PTRH1: variants seen among roughly 807,000 people sequenced by gnomAD.
PTRH1 encodes the protein peptidyl-tRNA hydrolase 1 homolog.
PTRH1 carries 13 observed loss-of-function variants against 15.7 expected under a neutral mutation model. The observed-to-expected ratio is 0.83, with a 90% CI of 0.54 to 1.31. PTRH1 has a LOEUF of 1.31. Among genes scored for constraint, PTRH1 ranks in the 40% most tolerant of loss-of-function variants. The pLI is 0.00. For synonymous variants in PTRH1, 139 were observed against 136.7 expected, an observed-to-expected ratio of 1.02 and a Z score of -0.12; for missense variants, 319 against 296.2, an observed-to-expected ratio of 1.08 and a Z score of -0.56.
At chr9:127,709,435 T>A (rs1842713520), downstream of PTRH1, 4 of 1,613,186 alleles carry the variant, frequency 2.5e-6, no homozygotes, top group African/African-American at 5.3e-5. This position sits in a 1 kb window ranked among gnomAD's most constrained non-coding sequence, Gnocchi z 4.7. Context: ...CCAGCGGAAG[T>A]GGGATGAGCT....
intron 1 of PTRH1, among the ~76,000 whole-genome samples, chr9:127,700,189 T>C (rs1192084732): frequency 6.6e-6 from 1 of 152,230 alleles, no homozygotes; most frequent in African/African-American, 2.4e-5. Context: ...TGTGTCAGGC[T>C]GTCTCTCTGA....
intron 1 of PTRH1, among the ~76,000 whole-genome samples, chr9:127,698,551 G>A (rs1353778886): frequency 2.6e-5 from 4 of 151,966 alleles, no homozygotes; most frequent in South Asian, 2.1e-4. Flanking sequence ...TTAGCCAGTC[G>A]TGGTGGCACA....
Position 127,714,244 on chromosome 9 carries a change from C to T in PTRH1, c.501G>A (p.Ala167=), listed in dbSNP as rs1006461792. The change falls in exon 5 of 5, where the codon GCG becomes GCA. Residue 167 remains alanine, a synonymous_variant. Transcript: ENST00000543175. ...PRLRVGIGRP[A]HPEAVQAHVL... is the part of the protein sequence containing the mutation. ...CATGGGCCTGAACCGCCTCAGGGTG[C>T]GCCGGGCGCCCGATACCCACCCGCA... is the stretch of plus-strand genomic sequence containing the variant. 10 of 1,613,808 alleles carry T rather than the reference C, an allele frequency of 6.2e-6. No homozygotes were observed. Among genetic ancestry groups the T allele is most frequent in the Non-Finnish European group, 7.6e-6 (9 of 1,180,008 alleles).
At chr9:127,710,210 G>A (rs1306735753), downstream of PTRH1, among the ~76,000 whole-genome samples, 1 of 151,448 alleles carries the variant, frequency 6.6e-6, no homozygotes, top group East Asian at 1.9e-4. Context: ...GGGAGGCTGG[G>A]AGGTTGAGAC....
At chr9:127,712,745 A>C, downstream of PTRH1, 1 of 1,614,180 alleles carries the variant, frequency 6.2e-7, no homozygotes, top group Non-Finnish European at 8.5e-7. Flanking sequence ...CGTTGACGTG[A>C]CGTTCCAGCC....
At chr9:127,714,335 C>T (rs374364179) in intron 4 of PTRH1, 44 bp downstream of exon 4, 6 of 1,614,140 alleles carry the variant, frequency 3.7e-6, no homozygotes, top group Non-Finnish European at 5.1e-6. Flanking sequence ...CTGGGGGACC[C>T]CTGGCCCACC....
downstream of PTRH1, chr9:127,712,136 C>A (rs935582456): frequency 1.3e-6 from 2 of 1,587,884 alleles, no homozygotes; most frequent in East Asian, 2.3e-5. Flanking sequence ...GGGCCCCTGG[C>A]CCCAGGTGGC....
At position 127,715,584 on chromosome 9, in the gene PTRH1, C is replaced by T. The variant is rs762242606; in HGVS notation, c.56G>A (p.Arg19Gln). Residue 19 changes from arginine (R) to glutamine (Q), a missense_variant, in exon 1 of 5, where the codon CGA (arginine) becomes CAA (glutamine). Transcript: ENST00000543175. The surrounding 1 kb of genome is among the most constrained non-coding windows in gnomAD (Gnocchi z 5.8). The part of the protein sequence containing the change: ...AGQRLSRAMS[R>Q]CVLEPRPPGK... ...CGGGGGGCGAGGCTCCAAAACACAT[C>T]GGCTCATGGCTCTACTCAGCCGCTG... 2.5e-6 allele frequency: 4 copies of T among 1,613,470 alleles called. No individual in the cohort carries two copies. Among genetic ancestry groups the T allele is most frequent in the Non-Finnish European group, 2.5e-6 (3 of 1,180,036 alleles).
chr9:127,712,149 C>G (rs1326346532), downstream of PTRH1: 2 of 1,605,112 alleles, frequency 1.2e-6, no homozygotes, highest in Admixed American at 1.7e-5. Flanking sequence ...CAGGTGGCCC[C>G]AGTCCTGGGG....
chr9:127,713,698 G>C, downstream of PTRH1: 1 of 646,196 alleles, frequency 1.5e-6, no homozygotes, highest in Non-Finnish European at 2.8e-6. Context: ...GTAGAGACAG[G>C]GTTTCACCAT....
At chr9:127,709,718 C>T (rs775540886), downstream of PTRH1, 6 of 1,604,060 alleles carry the variant, frequency 3.7e-6, no homozygotes, top group Non-Finnish European at 5.1e-6. This position sits in a 1 kb window ranked among gnomAD's most constrained non-coding sequence, Gnocchi z 4.7. Context: ...GGCTGGTGAG[C>T]CTGCAGGCAC....
At chr9:127,704,929 T>TA (rs1019792215) in intron 1 of PTRH1, among the ~76,000 whole-genome samples, 1 of 151,944 alleles carries the variant, frequency 6.6e-6, no homozygotes, top group African/African-American at 2.4e-5. Flanking sequence ...TTTTTTTTTT[T>TA]AGAGATGGGG....
At chr9:127,710,520 T>A, downstream of PTRH1, 2 of 1,509,040 alleles carry the variant, frequency 1.3e-6, no homozygotes, top group Non-Finnish European at 1.8e-6. Flanking sequence ...GACAGGGACC[T>A]AAGGGGCATC....
downstream of PTRH1, chr9:127,712,831 G>A (rs187320210): frequency 3.0e-4 from 482 of 1,613,750 alleles, no homozygotes; most frequent in Non-Finnish European, 3.3e-4. Flanking sequence ...AGAAGGCTGC[G>A]TGTCCCCACC....
At chr9:127,699,155 T>C (rs1401913031) in intron 1 of PTRH1, among the ~76,000 whole-genome samples, 1 of 152,178 alleles carries the variant, frequency 6.6e-6, no homozygotes, top group Admixed American at 6.5e-5. Context: ...GTGCTGGCAT[T>C]ATAGGTGTGA....
At chr9:127,712,780 A>G (rs1322269136), downstream of PTRH1, 1 of 1,614,080 alleles carries the variant, frequency 6.2e-7, no homozygotes, top group East Asian at 2.2e-5. Flanking sequence ...TGCTGCAGCA[A>G]CTGCTGGTCA....
In PTRH1 at chr9:127,705,061, A is replaced by G. The variant is rs1842632413; in HGVS notation, c.206-9920T>C. Among the ~76,000 whole-genome samples, 1 of 152,190 alleles carries G rather than the reference A, an allele frequency of 6.6e-6. No homozygotes were observed. The highest frequency in any genetic ancestry group is 2.4e-5 in the African/African-American group (1 of 41,546). The stretch of plus-strand genomic sequence containing the variant: ...GTGCACCTGGCCAAGGGCATGTTTA[A>G]TGATGCCTGGCCTCCCTGCTTCCCC... On this transcript the variant is annotated intron_variant, in intron 1 of 2. Coordinates refer to the PTRH1 transcript ENST00000335223. This position sits in a 1 kb window ranked among gnomAD's most constrained non-coding sequence, Gnocchi z 4.7.
At chr9:127,698,719 T>C (rs56327046) in intron 1 of PTRH1, among the ~76,000 whole-genome samples, 5,076 of 152,170 alleles carry the variant, frequency 0.033, 296 homozygotes, top group African/African-American at 0.12. Context: ...CCATTCTCTC[T>C]GAAGCACGTG....
At chr9:127,699,516 G>C (rs1842588417) in intron 1 of PTRH1, among the ~76,000 whole-genome samples, 1 of 152,190 alleles carries the variant, frequency 6.6e-6, no homozygotes, top group Non-Finnish European at 1.5e-5. Context: ...CCTGGAGTAA[G>C]ACGGTTGCTG....
Sources: allele counts gnomAD v4.1 joint callset (sites outside exome capture counted in the v4.1 genomes callset), GRCh38; gene constraint gnomAD v4.1.1; non-coding constraint Gnocchi (gnomAD v3.1); transcripts MANE v1.5; gene names NCBI Gene and HGNC (gene_info 2026-07-23, HGNC 2026-07-21).